Variants in CNTN1 observed in about 807,000 individuals in gnomAD.
CNTN1 encodes the protein contactin-1.
A neutral mutation model predicts 126.4 loss-of-function variants in CNTN1; 38 were observed. The observed-to-expected ratio is 0.30, with a 90% CI of 0.23 to 0.39. CNTN1 has a LOEUF of 0.39. CNTN1 is among the 10% of genes least tolerant of loss of function. The pLI, the probability that CNTN1 is intolerant of heterozygous loss-of-function variation, is 1.00. For missense variants in CNTN1, 1,009 were observed against 1,248.4 expected (o/e 0.81, Z 2.89); for synonymous variants, 413 against 422.6 (o/e 0.98, Z 0.28).
At chr12:40,716,196 G>A (rs184019127) in intron 1 of CNTN1, among the ~76,000 whole-genome samples, 1 of 151,480 alleles carries the variant, frequency 6.6e-6, no homozygotes, top group East Asian at 1.9e-4. Flanking sequence ...ATCCTTGCAA[G>A]GGTACTAGAT....
At chr12:41,043,864 T>C (rs1245631908) in intron 23 of CNTN1, among the ~76,000 whole-genome samples, 3 of 148,822 alleles carry the variant, frequency 2.0e-5, no homozygotes, top group East Asian at 2.0e-4. Context: ...ATGGATGAAA[T>C]TGGAAATCAT....
At chr12:40,822,148 C>CTTTTTTTTTTT (rs777953120) in intron 1 of CNTN1, among the ~76,000 whole-genome samples, 9 of 47,236 alleles carry the variant, frequency 1.9e-4, no homozygotes, top group African/African-American at 3.3e-4. Flanking sequence ...AAATATAAAT[C>CTTTTTTTTTTT]TTTTTTTTTT....
rs573800106 is a variant in CNTN1, at chr12:40,811,772, G to A, written c.-76-96585G>A. ...TCCTTTTTCATTTCTCATTTTATTT[G>A]AGTCTTTTCTCCTTTTTCCTTCGTC... On this transcript the variant is annotated intron_variant, in intron 1 of 23. Transcript: ENST00000551295. Among the ~76,000 whole-genome samples the A allele has an allele frequency of 1.8e-4, 26 of 147,744 alleles. No homozygotes were observed. In the South Asian group the frequency reaches 2.1e-3, roughly 12 times the overall value.
chr12:40,874,683 A>G (rs926381957), intron 1 of CNTN1, among the ~76,000 whole-genome samples: 2 of 152,162 alleles, frequency 1.3e-5, no homozygotes, highest in Non-Finnish European at 2.9e-5. Flanking sequence ...TGAAACTAGA[A>G]TAAGTCTATT....
intron 1 of CNTN1, among the ~76,000 whole-genome samples, chr12:40,818,930 G>A (rs1232636738): frequency 1.1e-4 from 17 of 151,980 alleles, no homozygotes; most frequent in Admixed American, 1.1e-3. Context: ...CAATAGTCAG[G>A]TCCCTCTTCC....
At chr12:41,007,535 G>A (rs969865507) in intron 17 of CNTN1, among the ~76,000 whole-genome samples, 15 of 152,162 alleles carry the variant, frequency 9.9e-5, no homozygotes, top group Non-Finnish European at 1.8e-4. Flanking sequence ...AGAAGTGAAA[G>A]AGAAACAGTT....
Position 40,848,777 on chromosome 12 carries a change from A to G in CNTN1, c.-76-59580A>G, listed in dbSNP as rs141937222. On this transcript the variant is annotated intron_variant, in intron 1 of 23. Coordinates refer to ENST00000551295, the MANE Select transcript of CNTN1 (RefSeq NM_001843.4). ...CTGAAGTTGTACTGTACTGAGTTATACATGATGGTTTTATATTATAGTTCA... is the reference window on the plus strand; with the variant it reads ...CTGAAGTTGTACTGTACTGAGTTATGCATGATGGTTTTATATTATAGTTCA... Among the ~76,000 whole-genome samples the G allele has an allele frequency of 1.2e-3, 173 of 150,006 alleles. 3 individuals are homozygous for G. The East Asian group carries it at 0.031, about 27-fold the overall frequency.
At chr12:41,066,604 A>G (rs1313078153) in intron 23 of CNTN1, among the ~76,000 whole-genome samples, 1 of 152,204 alleles carries the variant, frequency 6.6e-6, no homozygotes, top group African/African-American at 2.4e-5. Context: ...CAAAGAGAAA[A>G]TTCTAAATGT....
intron 1 of CNTN1, among the ~76,000 whole-genome samples, chr12:40,732,910 T>C (rs1942535095): frequency 6.6e-6 from 1 of 152,090 alleles, no homozygotes; most frequent in Admixed American, 6.6e-5. Context: ...TTACTCTCTC[T>C]CCTTACTCAT....
chr12:40,924,662 A>T lies in CNTN1; in HGVS notation c.496+10A>T. On this transcript the variant is annotated intron_variant, in intron 6 of 23. Transcript: ENST00000551295. The stretch of plus-strand genomic sequence containing the variant: ...CCATACCATTTTCCAGGTAAACTTA[A>T]TTCCTCTCTGACTATTAGCATCTAT... 1 of 1,455,250 alleles carries T rather than the reference A, an allele frequency of 6.9e-7. No homozygotes were observed. Among genetic ancestry groups the T allele is most frequent in the African/African-American group, 1.4e-5 (1 of 71,938 alleles). 90.1% of individuals were successfully genotyped at this position (1,455,250 alleles called of 1,614,324 possible).
At chr12:40,890,954 T>C (rs1409184143) in intron 1 of CNTN1, among the ~76,000 whole-genome samples, 4 of 152,180 alleles carry the variant, frequency 2.6e-5, no homozygotes, top group Admixed American at 6.5e-5. Flanking sequence ...CCATTTTGCA[T>C]TTCTACCAGT....
intron 16 of CNTN1, among the ~76,000 whole-genome samples, chr12:40,986,152 C>G (rs1042277358): frequency 6.6e-6 from 1 of 152,124 alleles, no homozygotes; most frequent in Non-Finnish European, 1.5e-5. Context: ...ACATACTTAA[C>G]ATAGTTATGC....
At chr12:40,883,962 T>C (rs980968010) in intron 1 of CNTN1, among the ~76,000 whole-genome samples, 2 of 151,588 alleles carry the variant, frequency 1.3e-5, no homozygotes, top group Non-Finnish European at 3.0e-5. Context: ...TCCTTTATCA[T>C]AGGAAAATGT....
At chr12:40,849,474 A>T (rs551651755) in intron 1 of CNTN1, among the ~76,000 whole-genome samples, 9 of 152,036 alleles carry the variant, frequency 5.9e-5, no homozygotes, top group Non-Finnish European at 1.2e-4. Context: ...TTCCTGCAAA[A>T]CTGACTCATA....
intron 16 of CNTN1, among the ~76,000 whole-genome samples, chr12:40,989,731 G>A (rs1948054498): frequency 6.6e-6 from 1 of 151,876 alleles, no homozygotes; most frequent in African/African-American, 2.4e-5. Flanking sequence ...ATCATGCTGG[G>A]CATACTAGGC....
chr12:40,985,496 T>C (rs1216206307), intron 16 of CNTN1, among the ~76,000 whole-genome samples: 2 of 152,174 alleles, frequency 1.3e-5, no homozygotes, highest in Non-Finnish European at 2.9e-5. Context: ...AAAATCCAAA[T>C]TGCTCTTCAT....
intron 1 of CNTN1, among the ~76,000 whole-genome samples, chr12:40,871,071 C>G (rs1019193294): frequency 1.3e-5 from 2 of 151,576 alleles, no homozygotes; most frequent in African/African-American, 2.4e-5. Flanking sequence ...CCTTTTATTC[C>G]CTGGAATAAT....
In CNTN1 at chr12:41,070,009, G is replaced by A. The variant is rs200796487; in HGVS notation, c.3031G>A (p.Gly1011Ser). Residue 1011 changes from glycine (G) to serine (S), a missense_variant, in exon 24 of 24, where the codon GGC (glycine) becomes AGC (serine). Transcript: ENST00000551295. ...SLLGLLLPAFGILVYLEF is the reference protein window; with the variant it reads ...SLLGLLLPAFSILVYLEF ...TCTCGGCTTACTGCTGCCTGCCTTT[G>A]GCATCCTTGTCTACTTGGAATTCTG... is the stretch of plus-strand genomic sequence containing the variant. The A allele has an allele frequency of 1.4e-4, 234 of 1,613,808 alleles. No homozygotes were observed. The highest frequency in any genetic ancestry group is 3.3e-4 in the South Asian group (30 of 91,076).
chr12:40,867,759 T>C (rs1943348639), intron 1 of CNTN1, among the ~76,000 whole-genome samples: 1 of 152,226 alleles, frequency 6.6e-6, no homozygotes, highest in South Asian at 2.1e-4. Flanking sequence ...TGAATTTTTC[T>C]CTTTACTTTT....
Sources: gnomAD v4.1 joint callset for allele counts (sites outside exome capture counted in the v4.1 genomes callset) on GRCh38, gnomAD v4.1.1 for gene constraint, MANE v1.5 for transcripts, NCBI Gene and HGNC (gene_info 2026-07-23, HGNC 2026-07-21) for gene names.